DACH1: variants seen among roughly 807,000 people sequenced by gnomAD.
DACH1 encodes dachshund family transcription factor 1.
A neutral mutation model predicts 54.2 loss-of-function variants in DACH1; 12 were observed. The observed-to-expected ratio is 0.22, with a 90% confidence interval of 0.14 to 0.36. The LOEUF is 0.36. DACH1 is among the 10% of genes least tolerant of loss of function. The pLI, the probability that DACH1 is intolerant of heterozygous loss-of-function variation, is 1.00. For synonymous variants in DACH1, 386 were observed against 366.2 expected (o/e 1.05, Z -0.62); for missense variants, 805 against 929.8 (o/e 0.87, Z 1.75).
intron 6 of DACH1, among the ~76,000 whole-genome samples, chr13:71,542,121 G>T (rs1332490971): frequency 6.6e-6 from 1 of 151,550 alleles, no homozygotes; most frequent in Non-Finnish European, 1.5e-5. Context: ...ATGGCAGTGG[G>T]CACCTGTAAT....
intron 3 of DACH1, among the ~76,000 whole-genome samples, chr13:71,623,754 A>G (rs1876425121): frequency 1.3e-5 from 2 of 151,874 alleles, no homozygotes; most frequent in South Asian, 4.1e-4. Flanking sequence ...TAAGTGACTT[A>G]TCTAAGTAGT....
intron 6 of DACH1, among the ~76,000 whole-genome samples, chr13:71,554,734 T>C (rs1884128334): frequency 6.6e-6 from 1 of 152,136 alleles, no homozygotes; most frequent in Non-Finnish European, 1.5e-5. Context: ...AGTGGAAGGA[T>C]AGCAATGAAG....
chr13:71,667,851 CT>C (rs966146702), intron 2 of DACH1, among the ~76,000 whole-genome samples: 4 of 152,032 alleles, frequency 2.6e-5, no homozygotes, highest in Non-Finnish European at 5.9e-5. Flanking sequence ...GATTAATTTT[CT>C]TGGAATTTAG....
chr13:71,613,480 T>C (rs1399573369), intron 3 of DACH1, among the ~76,000 whole-genome samples: 1 of 152,144 alleles, frequency 6.6e-6, no homozygotes, highest in African/African-American at 2.4e-5. Flanking sequence ...TCACTGTAGC[T>C]GTTGCAAGGC....
chr13:71,655,347 T>C (rs1405428060), intron 2 of DACH1, among the ~76,000 whole-genome samples: 8 of 151,706 alleles, frequency 5.3e-5, no homozygotes, highest in African/African-American at 1.9e-4. Context: ...CAGGCTGACA[T>C]TGGTGATGTC....
At chr13:71,765,228 T>C (rs939792228) in intron 1 of DACH1, among the ~76,000 whole-genome samples, 13 of 152,168 alleles carry the variant, frequency 8.5e-5, no homozygotes, top group Non-Finnish European at 1.9e-4. Flanking sequence ...AAACCAGGCA[T>C]TTGGAAGACA....
chr13:71,828,145 T>C (rs372255765), intron 1 of DACH1, among the ~76,000 whole-genome samples: 4 of 152,006 alleles, frequency 2.6e-5, no homozygotes, highest in African/African-American at 9.7e-5. Flanking sequence ...GTGAACAAGA[T>C]TTATATATAA....
At chr13:71,612,060 TA>T (rs1875372310) in intron 3 of DACH1, among the ~76,000 whole-genome samples, 2 of 152,106 alleles carry the variant, frequency 1.3e-5, no homozygotes, top group African/African-American at 4.8e-5. Context: ...GTTATAAGTT[TA>T]GGGGAATTTG....
At chr13:71,489,201 T>G (rs1013728474) in intron 6 of DACH1, 53 bp from the exon 7 acceptor site, 26 of 1,573,528 alleles carry the variant, frequency 1.7e-5, no homozygotes, top group Non-Finnish European at 2.2e-5. Context: ...TCTGTTTTTA[T>G]TAGACCTCAG....
intron 10 of DACH1, among the ~76,000 whole-genome samples, chr13:71,454,540 T>A (rs7986103): frequency 0.012 from 1,779 of 152,328 alleles, 28 homozygotes; most frequent in African/African-American, 0.035. Flanking sequence ...TCCCCAGATC[T>A]ATTCACCTGC....
intron 6 of DACH1, among the ~76,000 whole-genome samples, chr13:71,542,016 G>C (rs1883163853): frequency 7.0e-6 from 1 of 141,960 alleles, no homozygotes; most frequent in Admixed American, 7.7e-5. Flanking sequence ...GAGAAGCCAA[G>C]ACAGGCAGAT....
At chr13:71,778,706 A>G (rs1334052272) in intron 1 of DACH1, among the ~76,000 whole-genome samples, 1 of 152,168 alleles carries the variant, frequency 6.6e-6, no homozygotes, top group African/African-American at 2.4e-5. Context: ...CTCTTGAAAC[A>G]CATAGTAAGC....
intron 1 of DACH1, among the ~76,000 whole-genome samples, chr13:71,834,959 A>C (rs1465641578): frequency 6.6e-6 from 1 of 151,966 alleles, no homozygotes; most frequent in Admixed American, 6.6e-5. Context: ...GTGTTTGTCC[A>C]TGTGCAGGGA....
At chr13:71,739,675 A>G (rs1472547492) in intron 1 of DACH1, among the ~76,000 whole-genome samples, 1 of 152,168 alleles carries the variant, frequency 6.6e-6, no homozygotes, top group Non-Finnish European at 1.5e-5. Context: ...AGAGCTAGGA[A>G]CCTGAAGTGG....
intron 10 of DACH1, among the ~76,000 whole-genome samples, chr13:71,468,597 T>G (rs1032230240): frequency 1.5e-4 from 23 of 152,200 alleles, no homozygotes; most frequent in Non-Finnish European, 7.4e-5. Flanking sequence ...AGGATACAAT[T>G]TAGTGCTGTT....
At chr13:71,520,846 G>T (rs1405409177) in intron 6 of DACH1, among the ~76,000 whole-genome samples, 2 of 151,880 alleles carry the variant, frequency 1.3e-5, no homozygotes, top group African/African-American at 4.8e-5. Context: ...TAATATCATA[G>T]TATTATGGTA....
intron 1 of DACH1, among the ~76,000 whole-genome samples, chr13:71,837,752 C>CTTGGAACCAAT (rs1382426842): frequency 8.0e-6 from 1 of 124,788 alleles, no homozygotes; most frequent in African/African-American, 3.1e-5. Flanking sequence ...ACAATAGCAA[C>CTTGGAACCAAT]CCAAATGTCC....
rs548288078 is a variant in DACH1 at position 71,574,619 on chromosome 13, G to T, written c.1127-1607C>A. On this transcript the variant is annotated intron_variant, in intron 3 of 10. Coordinates refer to ENST00000613252, the MANE Select transcript of DACH1 (RefSeq NM_080759.6). The stretch of plus-strand genomic sequence containing the variant: ...GTTCAATATAAATTCAAACTAATTA[G>T]CTCAATACTGTCTGGATCTTAGAGT... Among the ~76,000 whole-genome samples the T allele has an allele frequency of 1.3e-4, 20 of 152,028 alleles. 1 individual carries two copies. In the South Asian group the frequency reaches 3.7e-3, roughly 28 times the overall value.
At chr13:71,688,195 C>G (rs930053619) in intron 1 of DACH1, among the ~76,000 whole-genome samples, 1 of 152,116 alleles carries the variant, frequency 6.6e-6, no homozygotes, top group African/African-American at 2.4e-5. Context: ...ATTAAATAAA[C>G]CTCAGGAAAT....
Sources: gnomAD v4.1 joint callset for allele counts (sites outside exome capture counted in the v4.1 genomes callset) on GRCh38, gnomAD v4.1.1 for gene constraint, MANE v1.5 for transcripts, NCBI Gene and HGNC (gene_info 2026-07-23, HGNC 2026-07-21) for gene names.